NALCN: variants seen among roughly 807,000 people sequenced by gnomAD.
NALCN encodes the protein sodium leak channel, non-selective.
In NALCN, 111 loss-of-function variants were observed where a neutral mutation model predicts 225.3. That is an observed-to-expected ratio of 0.49 (90% CI 0.42 to 0.58). The LOEUF (loss-of-function observed/expected upper bound fraction) is 0.58. NALCN is among the 20% of genes least tolerant of loss of function. NALCN has a pLI of 0.00. For synonymous variants in NALCN, 764 were observed against 769.0 expected, an observed-to-expected ratio of 0.99 and a Z score of 0.11; for missense variants, 1,378 against 2,202.4, an observed-to-expected ratio of 0.63 and a Z score of 7.49.
chr13:101,116,814 A>C (rs1164676403), intron 18 of NALCN: 1 of 395,396 alleles, frequency 2.5e-6, no homozygotes, highest in Non-Finnish European at 5.0e-6. Context: ...TAATGTAATC[A>C]CATTAGCAGA....
At chr13:101,167,214 T>C (rs2038481766) in intron 15 of NALCN, among the ~76,000 whole-genome samples, 1 of 152,254 alleles carries the variant, frequency 6.6e-6, no homozygotes, top group African/African-American at 2.4e-5. Context: ...AGATTTCGTA[T>C]GAATTTTAAG....
At chr13:101,363,917 C>CA (rs1169701034) in intron 6 of NALCN, among the ~76,000 whole-genome samples, 7 of 151,752 alleles carry the variant, frequency 4.6e-5, no homozygotes, top group Non-Finnish European at 8.8e-5. Context: ...AAGAAATGGG[C>CA]AAAAAATCTG....
At chr13:101,331,119 A>C (rs66564581) in intron 7 of NALCN, among the ~76,000 whole-genome samples, 11,744 of 152,244 alleles carry the variant, frequency 0.077, 573 homozygotes, top group African/African-American at 0.13. Context: ...CCCCAGTCAC[A>C]GTTCAGGCCA....
intron 4 of NALCN, 121 bp from the exon 5 acceptor site, chr13:101,377,177 T>A (rs1466921628): frequency 1.6e-6 from 2 of 1,256,982 alleles, no homozygotes; most frequent in Non-Finnish European, 2.2e-6. Flanking sequence ...TAGCCATACA[T>A]TATTTTCCAC....
rs1449804147 is a variant in NALCN at position 101,081,533 on chromosome 13, G to A, written c.3879C>T (p.Ala1293=). 1.9e-6 allele frequency: 3 copies of A among 1,613,868 alleles called. No homozygotes were observed. The highest frequency in any genetic ancestry group is 2.7e-5 in the African/African-American group (2 of 74,854). The change falls in exon 34 of 44, where the codon GCC becomes GCT. Residue 1293 remains alanine (A), a synonymous_variant. Coordinates refer to ENST00000251127, the MANE Select transcript of NALCN (RefSeq NM_052867.4). Reference sequence around the variant, plus strand: ...ACTTGACTTCTATGCTTACCAGGAGGGCAAAGTGAAGCACCACCCATACAA... The same window carrying A: ...ACTTGACTTCTATGCTTACCAGGAGAGCAAAGTGAAGCACCACCCATACAA... ...LGVVWVVLHF[A]LLNAYTYMMG... is the part of the protein sequence containing the mutation.
chr13:101,394,690 G>A (rs1483055471), intron 3 of NALCN, among the ~76,000 whole-genome samples: 2 of 151,184 alleles, frequency 1.3e-5, no homozygotes, highest in African/African-American at 4.9e-5. Context: ...TTTTCCTTTT[G>A]GCCCCAGACA....
intron 10 of NALCN, among the ~76,000 whole-genome samples, chr13:101,265,545 T>C (rs2042569273): frequency 6.6e-6 from 1 of 152,176 alleles, no homozygotes; most frequent in Admixed American, 6.5e-5. Context: ...CGGGGAGGGC[T>C]TCTCACGCAA....
intron 18 of NALCN, among the ~76,000 whole-genome samples, chr13:101,119,684 G>A (rs1257553594): frequency 6.6e-6 from 1 of 152,052 alleles, no homozygotes; most frequent in Non-Finnish European, 1.5e-5. Context: ...TTTTTATTTC[G>A]CCTGATGAGA....
intron 10 of NALCN, among the ~76,000 whole-genome samples, chr13:101,280,902 A>G (rs974156059): frequency 1.1e-4 from 15 of 130,800 alleles, no homozygotes; most frequent in African/African-American, 4.2e-4. Context: ...TTTTTTTGAG[A>G]CAGAGTCTCA....
rs578112700 is a variant in NALCN, at chr13:101,337,411, C to A, written c.799+7855G>T. ...GTAACCTCTGCCTCCCAGATTCAAG[C>A]GATTCTCCTGCCTCAGCCTCCCGAG... is the stretch of plus-strand genomic sequence containing the variant. On this transcript the variant is annotated intron_variant, in intron 7 of 43. Coordinates refer to ENST00000251127, the MANE Select transcript of NALCN (RefSeq NM_052867.4). 9.3e-4 allele frequency among the ~76,000 whole-genome samples: 142 copies of A among 152,056 alleles called. 1 individual carries two copies. Among genetic ancestry groups the A allele is most frequent in the Non-Finnish European group, 1.1e-3 (74 of 67,966 alleles).
chr13:101,379,075 A>G (rs2046774705), intron 3 of NALCN, among the ~76,000 whole-genome samples: 1 of 152,196 alleles, frequency 6.6e-6, no homozygotes, highest in Non-Finnish European at 1.5e-5. Context: ...AAAACTAACA[A>G]GGCATTCACT....
At chr13:101,181,034 C>G in intron 14 of NALCN, 2 of 510,356 alleles carry the variant, frequency 3.9e-6, no homozygotes, top group South Asian at 2.8e-5. Context: ...CATTTTGAAG[C>G]ATTTAGACTT....
At chr13:101,318,326 T>A in intron 7 of NALCN, among the ~76,000 whole-genome samples, 1 of 152,090 alleles carries the variant, frequency 6.6e-6, no homozygotes, top group Admixed American at 6.6e-5. Flanking sequence ...ACACGCTGGC[T>A]GCGGTGGGGT....
chr13:101,412,466 C>T (rs774188498), intron 1 of NALCN, among the ~76,000 whole-genome samples: 1 of 152,220 alleles, frequency 6.6e-6, no homozygotes, highest in Non-Finnish European at 1.5e-5. Flanking sequence ...CCCCTGCCCC[C>T]ACCCTGGACC....
chr13:101,252,257 G>A (rs2042083362), intron 11 of NALCN, among the ~76,000 whole-genome samples: 1 of 152,070 alleles, frequency 6.6e-6, no homozygotes, highest in Non-Finnish European at 1.5e-5. Flanking sequence ...AGGATACTAG[G>A]CCCTTCTTCC....
intron 15 of NALCN, among the ~76,000 whole-genome samples, chr13:101,148,033 A>T (rs1003424952): frequency 6.6e-6 from 1 of 152,166 alleles, no homozygotes; most frequent in African/African-American, 2.4e-5. Flanking sequence ...TGGTAGGATG[A>T]ATCCTATAAT....
intron 4 of NALCN, 77 bp from the exon 5 acceptor site, chr13:101,377,133 A>G (rs2046717625): frequency 6.4e-7 from 1 of 1,572,102 alleles, no homozygotes. Context: ...TACAGATGTT[A>G]GCAGCATAAG....
chr13:101,145,010 G>T, intron 15 of NALCN, 114 bp from the exon 16 acceptor site: 1 of 1,212,992 alleles, frequency 8.2e-7, no homozygotes, highest in Non-Finnish European at 1.1e-6. Flanking sequence ...AATGCCAGTA[G>T]ATGGCAGCAA....
At chr13:101,200,573 TC>T (rs1454582945) in intron 13 of NALCN, among the ~76,000 whole-genome samples, 1 of 152,160 alleles carries the variant, frequency 6.6e-6, no homozygotes, top group Non-Finnish European at 1.5e-5. Flanking sequence ...TCTCTTTTGT[TC>T]CTAGCACCCC....
Sources: allele counts gnomAD v4.1 joint callset (sites outside exome capture counted in the v4.1 genomes callset), GRCh38; gene constraint gnomAD v4.1.1; transcripts MANE v1.5; gene names NCBI Gene and HGNC (gene_info 2026-07-23, HGNC 2026-07-21).